SUMF1: variants seen among roughly 807,000 people sequenced by gnomAD.
The protein encoded by SUMF1 is sulfatase modifying factor 1, also known as formylglycine-generating enzyme.
In SUMF1, 48 loss-of-function variants were observed where a neutral mutation model predicts 47.6. That is an observed-to-expected ratio of 1.01 (90% CI 0.80 to 1.28). SUMF1 has a LOEUF of 1.28. Ranked by LOEUF, SUMF1 falls within the 50% of genes most tolerant of loss-of-function variation. The pLI is 0.00. For missense variants in SUMF1, 571 were observed against 485.4 expected, an observed-to-expected ratio of 1.18 and a Z score of -1.66; for synonymous variants, 230 against 192.1, an observed-to-expected ratio of 1.20 and a Z score of -1.63.
intron 8 of SUMF1, among the ~76,000 whole-genome samples, chr3:4,362,715 A>G (rs968477712): frequency 1.3e-5 from 2 of 152,176 alleles, no homozygotes; most frequent in African/African-American, 4.8e-5. Context: ...TGAGGCCAGG[A>G]GCTCGAGGCC....
At chr3:4,349,896 G>A (rs1486010733) in intron 8 of SUMF1, among the ~76,000 whole-genome samples, 1 of 151,802 alleles carries the variant, frequency 6.6e-6, no homozygotes, top group Non-Finnish European at 1.5e-5. Flanking sequence ...AAACCAACAC[G>A]GCACATGTAT....
intron 8 of SUMF1, among the ~76,000 whole-genome samples, chr3:4,352,843 A>C (rs1451534531): frequency 6.6e-6 from 1 of 152,170 alleles, no homozygotes; most frequent in Non-Finnish European, 1.5e-5. Context: ...CCCAAAACAA[A>C]CAGGAAGGAA....
chr3:4,196,614 C>A (rs1695435735), intron 8 of SUMF1, among the ~76,000 whole-genome samples: 1 of 152,116 alleles, frequency 6.6e-6, no homozygotes, highest in Admixed American at 6.5e-5. Context: ...TGTCAGAGAC[C>A]TTGGCTAAAG....
rs550166525 is a variant in SUMF1 at position 4,377,699 on chromosome 3, T to A, written c.955-1310A>T. ...AATCCTAAAGCATCAGTTGCCAAGATAAAAGCCTCAACATCAGGTAAGGCA... is the reference window on the plus strand; with the variant it reads ...AATCCTAAAGCATCAGTTGCCAAGAAAAAAGCCTCAACATCAGGTAAGGCA... On this transcript the variant is annotated intron_variant, in intron 7 of 8. Transcript: ENST00000272902. Among the ~76,000 whole-genome samples the A allele has an allele frequency of 2.0e-5, 3 of 152,288 alleles. No individual in the cohort carries two copies. The East Asian group carries it at 5.8e-4, about 29-fold the overall frequency.
chr3:4,324,479 G>A (rs572288810), intron 8 of SUMF1, among the ~76,000 whole-genome samples: 6 of 152,252 alleles, frequency 3.9e-5, no homozygotes, highest in Admixed American at 6.5e-5. Flanking sequence ...AGGGGAAAAC[G>A]TAAGCAGGAG....
At chr3:4,223,845 A>G (rs1696117728) in intron 8 of SUMF1, among the ~76,000 whole-genome samples, 1 of 152,132 alleles carries the variant, frequency 6.6e-6, no homozygotes, top group Non-Finnish European at 1.5e-5. Context: ...CTGACTAAAA[A>G]TTGCTCATCT....
intron 3 of SUMF1, among the ~76,000 whole-genome samples, chr3:4,429,655 A>T (rs1702174735): frequency 6.6e-6 from 1 of 152,226 alleles, no homozygotes; most frequent in South Asian, 2.1e-4. Flanking sequence ...ACAGCCTGAG[A>T]TGATCTACTT....
chr3:4,125,826 A>G (rs1364929084), intron 8 of SUMF1, among the ~76,000 whole-genome samples: 1 of 152,082 alleles, frequency 6.6e-6, no homozygotes, highest in African/African-American at 2.4e-5. Context: ...ACAGGTGTGC[A>G]TGACCACATG....
At chr3:4,279,671 C>T (rs908475548) in intron 8 of SUMF1, among the ~76,000 whole-genome samples, 1 of 151,968 alleles carries the variant, frequency 6.6e-6, no homozygotes, top group African/African-American at 2.4e-5. Context: ...AAAAATAAAG[C>T]CATGTTGTGT....
At chr3:4,424,563 T>C (rs1433293144) in intron 3 of SUMF1, among the ~76,000 whole-genome samples, 1 of 152,146 alleles carries the variant, frequency 6.6e-6, no homozygotes, top group Non-Finnish European at 1.5e-5. Flanking sequence ...GATATATGTA[T>C]AGTAAATCTA....
chr3:4,138,759 A>G (rs1382985187), intron 8 of SUMF1, among the ~76,000 whole-genome samples: 1 of 152,050 alleles, frequency 6.6e-6, no homozygotes, highest in East Asian at 1.9e-4. Context: ...ACCTTTTTGC[A>G]ATAATAAAAT....
At chr3:4,240,068 G>A (rs553516118) in intron 8 of SUMF1, among the ~76,000 whole-genome samples, 2 of 152,098 alleles carry the variant, frequency 1.3e-5, no homozygotes, top group Non-Finnish European at 2.9e-5. Context: ...GATGGATTAT[G>A]TTTATTGATT....
intron 8 of SUMF1, among the ~76,000 whole-genome samples, chr3:4,230,590 A>G (rs1414365738): frequency 6.6e-6 from 1 of 152,110 alleles, no homozygotes; most frequent in African/African-American, 2.4e-5. Context: ...CAGCACCTCA[A>G]CATGTTCACC....
intron 8 of SUMF1, among the ~76,000 whole-genome samples, chr3:4,098,791 T>G (rs1366850438): frequency 5.3e-5 from 8 of 152,136 alleles, no homozygotes; most frequent in African/African-American, 1.2e-4. Flanking sequence ...GGAAAAAAAG[T>G]TAAAGATTAA....
At chr3:4,193,475 C>G (rs58213238) in intron 8 of SUMF1, among the ~76,000 whole-genome samples, 1 of 152,064 alleles carries the variant, frequency 6.6e-6, no homozygotes, top group South Asian at 2.1e-4. Context: ...GAATTTGTGG[C>G]TGGCATTTTA....
chr3:4,432,259 C>G (rs1173666490), intron 3 of SUMF1, among the ~76,000 whole-genome samples: 2 of 151,340 alleles, frequency 1.3e-5, no homozygotes, highest in African/African-American at 4.9e-5. Flanking sequence ...CCTGTCTTTT[C>G]TTTTCTCTCT....
At chr3:4,303,472 G>C (rs1339788497) in intron 8 of SUMF1, 2 of 1,522,534 alleles carry the variant, frequency 1.3e-6, no homozygotes, top group Non-Finnish European at 1.8e-6. Context: ...CGTGCGGCCA[G>C]GAAAACTTGC....
chr3:4,417,139 C>T lies in SUMF1; in HGVS notation c.829G>A (p.Gly277Arg). The T allele has an allele frequency of 6.2e-7, 1 of 1,613,878 alleles. No homozygotes were observed. Among genetic ancestry groups the T allele is most frequent in the Non-Finnish European group, 8.5e-7 (1 of 1,179,848 alleles). ...VTNTGEDGFQ[G>R]TAPVDAFPPN... The stretch of plus-strand genomic sequence containing the variant: ...GTCTCATTACTCACAGGCGCAGTTC[C>T]TTGGAAGCCATCCTCACCAGTGTTG... Residue 277 changes from glycine (G) to arginine (R), a missense_variant, in exon 6 of 9, where the codon GGA becomes AGA. Physicochemically the swap from Gly to Arg is moderately radical, Grantham distance 125. Coordinates refer to ENST00000272902, the MANE Select transcript of SUMF1 (RefSeq NM_182760.4).
chr3:4,349,517 A>G (rs1699442229), intron 8 of SUMF1, among the ~76,000 whole-genome samples: 1 of 152,232 alleles, frequency 6.6e-6, no homozygotes, highest in South Asian at 2.1e-4. Flanking sequence ...TCATTCTACT[A>G]TAAAGACACA....
Sources: allele counts gnomAD v4.1 joint callset (sites outside exome capture counted in the v4.1 genomes callset), GRCh38; gene constraint gnomAD v4.1.1; transcripts MANE v1.5; gene names NCBI Gene and HGNC (gene_info 2026-07-23, HGNC 2026-07-21).